The following TRPM3 variants were observed in gnomAD, a reference collection of about 807,000 sequenced individuals.
The protein encoded by TRPM3 is transient receptor potential cation channel subfamily M member 3.
A neutral mutation model predicts 181.2 loss-of-function variants in TRPM3; 77 were observed. That is an observed-to-expected ratio of 0.42 (90% CI 0.35 to 0.51). The LOEUF (loss-of-function observed/expected upper bound fraction) is 0.51, where lower values mean the gene tolerates loss of function less well. Among genes scored for constraint, TRPM3 ranks in the 20% least tolerant of loss-of-function variants. The probability of loss-of-function intolerance (pLI) is 0.01; values close to 1 mark genes in which losing one functional copy is unlikely to be tolerated. For missense variants in TRPM3, 1,759 were observed against 2,196.7 expected (o/e 0.80, Z 3.98); for synonymous variants, 745 against 796.4 (o/e 0.94, Z 1.09).
intron 8 of TRPM3, among the ~76,000 whole-genome samples, chr9:70,701,567 A>T (rs1044560999): frequency 2.0e-5 from 3 of 150,762 alleles, no homozygotes; most frequent in African/African-American, 7.3e-5. Context: ...TAATTTTCTT[A>T]TTTTCTGATT....
At chr9:71,420,830 A>AGAG in intron 1 of TRPM3, among the ~76,000 whole-genome samples, 2 of 128,400 alleles carry the variant, frequency 1.6e-5, no homozygotes, top group Admixed American at 7.5e-5. Flanking sequence ...AAAGAGAGGG[A>AGAG]AAGAAAGAGA....
chr9:70,836,260 C>G (rs75196303), intron 5 of TRPM3, among the ~76,000 whole-genome samples: 1,659 of 152,194 alleles, frequency 0.011, 33 homozygotes, highest in African/African-American at 0.037. Flanking sequence ...CACTTATCAC[C>G]TCTCTGTCCC....
At chr9:70,586,614 CT>C (rs1426342438) in intron 22 of TRPM3, among the ~76,000 whole-genome samples, 2 of 152,232 alleles carry the variant, frequency 1.3e-5, no homozygotes, top group Non-Finnish European at 2.9e-5. Context: ...TCAAGTTTTC[CT>C]TTTCCAAAAT....
At chr9:71,303,439 A>G (rs1240730465) in intron 1 of TRPM3, among the ~76,000 whole-genome samples, 3 of 152,238 alleles carry the variant, frequency 2.0e-5, no homozygotes, top group Non-Finnish European at 4.4e-5. Flanking sequence ...TGGTAAATGA[A>G]GGAGAAATAT....
intron 9 of TRPM3, among the ~76,000 whole-genome samples, chr9:70,671,830 T>C (rs1563931188): frequency 6.6e-6 from 1 of 152,176 alleles, no homozygotes; most frequent in South Asian, 2.1e-4. Flanking sequence ...AGTGGCATGA[T>C]CTCAGCTCAT....
At chr9:70,634,770 T>A (rs1287363616) in intron 12 of TRPM3, among the ~76,000 whole-genome samples, 1 of 152,210 alleles carries the variant, frequency 6.6e-6, no homozygotes, top group Non-Finnish European at 1.5e-5. Flanking sequence ...TTAGTCCCTG[T>A]TTTTAGAAAA....
intron 6 of TRPM3, chr9:70,811,362 C>A (rs1281975911): frequency 2.5e-6 from 2 of 808,648 alleles, no homozygotes; most frequent in African/African-American, 1.7e-5. Flanking sequence ...ACTCAAGTTG[C>A]ACAGTGAAAC....
chr9:70,949,073 T>C (rs1164629495), intron 1 of TRPM3, among the ~76,000 whole-genome samples: 1 of 152,058 alleles, frequency 6.6e-6, no homozygotes, highest in African/African-American at 2.4e-5. Flanking sequence ...AGGCTGTGCA[T>C]GGAAATAGCC....
At chr9:71,082,426 C>T (rs2064514002) in intron 1 of TRPM3, among the ~76,000 whole-genome samples, 1 of 152,084 alleles carries the variant, frequency 6.6e-6, no homozygotes, top group East Asian at 1.9e-4. Flanking sequence ...CATGTAATAC[C>T]TACTAGCATA....
chr9:70,982,105 C>A (rs920641829), intron 1 of TRPM3, among the ~76,000 whole-genome samples: 1 of 152,156 alleles, frequency 6.6e-6, no homozygotes, highest in African/African-American at 2.4e-5. Context: ...TCTCCAAAAC[C>A]AATTTCACCT....
intron 21 of TRPM3, among the ~76,000 whole-genome samples, chr9:70,596,975 C>T (rs527847096): frequency 1.3e-5 from 2 of 152,132 alleles, no homozygotes; most frequent in Admixed American, 6.5e-5. Flanking sequence ...GCTCTTCTTG[C>T]CCAGGCTGGA....
intron 1 of TRPM3, among the ~76,000 whole-genome samples, chr9:71,009,930 A>G (rs1259681560): frequency 2.0e-5 from 3 of 152,206 alleles, no homozygotes; most frequent in East Asian, 1.9e-4. Context: ...AAATTCATGC[A>G]TTTAAAGCCA....
intron 1 of TRPM3, among the ~76,000 whole-genome samples, chr9:71,344,178 G>A (rs910209190): frequency 6.6e-6 from 1 of 152,092 alleles, no homozygotes; most frequent in African/African-American, 2.4e-5. Context: ...AGCTGGGCAC[G>A]GTGGCTCATG....
At chr9:70,837,986 A>G (rs6560157) in intron 5 of TRPM3, among the ~76,000 whole-genome samples, 80,360 of 152,030 alleles carry the variant, frequency 0.53, 21,863 homozygotes, top group Non-Finnish European at 0.56. Context: ...ACCTTGTAAA[A>G]CTAATATATG....
intron 1 of TRPM3, among the ~76,000 whole-genome samples, chr9:70,987,949 T>C (rs1206802048): frequency 6.6e-6 from 1 of 152,170 alleles, no homozygotes; most frequent in Non-Finnish European, 1.5e-5. Flanking sequence ...GACCTTGGAT[T>C]AGTGTACTCC....
chr9:71,246,262 T>A lies in TRPM3; in HGVS notation c.183+200391A>T, dbSNP rs181261892. On this transcript the variant is annotated intron_variant, in intron 1 of 24. Coordinates refer to the TRPM3 transcript ENST00000357533. ...AGGGCTTTTTAAGTGATTTTAAAAATTTTTTTCAAATCATTTGTACTTTAG... is the reference window on the plus strand; with the variant it reads ...AGGGCTTTTTAAGTGATTTTAAAAAATTTTTTCAAATCATTTGTACTTTAG... 1.7e-3 allele frequency among the ~76,000 whole-genome samples: 262 copies of A among 151,928 alleles called. 3 individuals are homozygous for A. Among genetic ancestry groups the A allele is most frequent in the African/African-American group, 5.7e-3 (236 of 41,518 alleles).
chr9:71,285,466 G>C (rs763163375), intron 1 of TRPM3, among the ~76,000 whole-genome samples: 2 of 152,096 alleles, frequency 1.3e-5, no homozygotes, highest in East Asian at 1.9e-4. Flanking sequence ...CTATTAGCTC[G>C]AACTGTTGCC....
chr9:70,537,609 A>T (rs1321274197), intron 25 of TRPM3, among the ~76,000 whole-genome samples: 1 of 152,236 alleles, frequency 6.6e-6, no homozygotes, highest in East Asian at 1.9e-4. Context: ...TTGAGCTAGA[A>T]GAGGCTTTAG....
chr9:71,305,459 CT>C (rs2087198858), intron 1 of TRPM3, among the ~76,000 whole-genome samples: 1 of 152,092 alleles, frequency 6.6e-6, no homozygotes, highest in Admixed American at 6.5e-5. Flanking sequence ...ATGGCAGCTG[CT>C]GTTGGTACTT....
Sources: allele counts gnomAD v4.1 joint callset (sites outside exome capture counted in the v4.1 genomes callset), GRCh38; gene constraint gnomAD v4.1.1; transcripts MANE v1.5; gene names NCBI Gene and HGNC (gene_info 2026-07-23, HGNC 2026-07-21).